DLG2: variants seen among roughly 807,000 people sequenced by gnomAD.
DLG2 encodes discs large MAGUK scaffold protein 2.
A neutral mutation model predicts 132.5 loss-of-function variants in DLG2; 45 were observed. The ratio of observed to expected loss-of-function variants is 0.34; its 90% CI spans 0.27 to 0.44. DLG2 has a LOEUF of 0.44. Among genes scored for constraint, DLG2 ranks in the 20% least tolerant of loss-of-function variants. DLG2 has a pLI of 1.00. For missense variants in DLG2, 1,045 were observed against 1,196.9 expected, an observed-to-expected ratio of 0.87 and a Z score of 1.87; for synonymous variants, 424 against 419.6, an observed-to-expected ratio of 1.01 and a Z score of -0.13.
chr11:83,852,282 G>T (rs1056195807), intron 16 of DLG2, among the ~76,000 whole-genome samples: 3 of 152,156 alleles, frequency 2.0e-5, no homozygotes, highest in Non-Finnish European at 2.9e-5. Flanking sequence ...TGCCTAGAGG[G>T]GCAAAAGGAG....
At chr11:84,925,509 T>C (rs1238775740) in intron 6 of DLG2, among the ~76,000 whole-genome samples, 2 of 152,158 alleles carry the variant, frequency 1.3e-5, no homozygotes, top group Non-Finnish European at 1.5e-5. Context: ...GATAGCCAAC[T>C]TACTATTCTC....
chr11:85,093,191 C>T (rs1359770910), intron 6 of DLG2, among the ~76,000 whole-genome samples: 2 of 152,008 alleles, frequency 1.3e-5, no homozygotes, highest in African/African-American at 2.4e-5. Context: ...AGAAGGTTGC[C>T]GGGCTTGTTG....
rs181008269 is a variant in DLG2, at chr11:84,743,449, C to A, written c.358-208718G>T. ...TATTCTGATTTGGCTATCAACCCAT[C>A]CATCCATTTAGCATTCATTGAGTTC... On this transcript the variant is annotated intron_variant, in intron 6 of 27. Transcript: ENST00000376104. Among the ~76,000 whole-genome samples, 761 of 152,218 alleles carry A rather than the reference C, an allele frequency of 5.0e-3. 5 individuals carry two copies. The highest frequency in any genetic ancestry group is 8.6e-3 in the Non-Finnish European group (582 of 67,996).
chr11:84,836,692 C>T (rs1407195025), intron 6 of DLG2, among the ~76,000 whole-genome samples: 1 of 151,786 alleles, frequency 6.6e-6, no homozygotes, highest in East Asian at 1.9e-4. Context: ...TTATACAGTG[C>T]TGATTGCAAT....
chr11:85,520,891 G>C (rs1248779058), intron 3 of DLG2, among the ~76,000 whole-genome samples: 2 of 151,932 alleles, frequency 1.3e-5, no homozygotes, highest in African/African-American at 4.8e-5. Flanking sequence ...TAAATACCAA[G>C]GCTTCAAACT....
intron 6 of DLG2, among the ~76,000 whole-genome samples, chr11:85,039,864 G>T (rs756412645): frequency 6.6e-6 from 1 of 151,730 alleles, no homozygotes; most frequent in African/African-American, 2.4e-5. Context: ...TTAAATTTTG[G>T]TTGAATGAAT....
chr11:84,013,517 CA>C (rs370300216), intron 11 of DLG2, among the ~76,000 whole-genome samples: 201 of 152,146 alleles, frequency 1.3e-3, no homozygotes, highest in African/African-American at 4.8e-3. Context: ...AGTGATATTT[CA>C]GTTAATAGAA....
chr11:84,872,775 T>C (rs2085678058), intron 6 of DLG2, among the ~76,000 whole-genome samples: 1 of 152,210 alleles, frequency 6.6e-6, no homozygotes, highest in Admixed American at 6.5e-5. Context: ...TTCTATTAGA[T>C]CAGAGATTGT....
chr11:84,775,713 A>G lies in DLG2; in HGVS notation c.358-240982T>C, dbSNP rs1192485272. 2.0e-5 allele frequency among the ~76,000 whole-genome samples: 3 copies of G among 152,274 alleles called. No individual in the cohort carries two copies. In the East Asian group the frequency reaches 5.8e-4, roughly 29 times the overall value. On this transcript the variant is annotated intron_variant, in intron 6 of 27. Transcript: ENST00000376104. Reference sequence around the variant, plus strand: ...TCTCACTTCTAAGTGGGAGTTATACATGGCAACAATAGACACTGGGTACTA... The same window carrying G: ...TCTCACTTCTAAGTGGGAGTTATACGTGGCAACAATAGACACTGGGTACTA...
At chr11:85,361,267 T>C (rs1171619838) in intron 3 of DLG2, among the ~76,000 whole-genome samples, 1 of 152,054 alleles carries the variant, frequency 6.6e-6, no homozygotes, top group Non-Finnish European at 1.5e-5. Flanking sequence ...GCAATTCTCC[T>C]GCCTCAGCCT....
chr11:83,789,973 G>C (rs1339005986), intron 17 of DLG2: 1 of 1,344,410 alleles, frequency 7.4e-7, no homozygotes, highest in African/African-American at 1.5e-5. Flanking sequence ...CAGTCTTTCA[G>C]TAGTGCTTCT....
At chr11:83,576,589 C>T (rs910373377) in intron 19 of DLG2, among the ~76,000 whole-genome samples, 9 of 152,224 alleles carry the variant, frequency 5.9e-5, no homozygotes, top group African/African-American at 2.2e-4. Flanking sequence ...AGAGGCTTCT[C>T]ATCAGAAACA....
At chr11:84,016,726 T>C (rs1405274225) in intron 11 of DLG2, among the ~76,000 whole-genome samples, 1 of 151,990 alleles carries the variant, frequency 6.6e-6, no homozygotes, top group Non-Finnish European at 1.5e-5. Context: ...GATTGCCACA[T>C]CACCTTATAA....
rs1018487689 is a variant in DLG2 at position 83,530,270 on chromosome 11, A to G, written c.2193+2438T>C. On this transcript the variant is annotated intron_variant, in intron 21 of 27. Coordinates refer to ENST00000376104, the MANE Select transcript of DLG2 (RefSeq NM_001142699.3). ...TCACTTCTATGTAGAATGACATCCTATGTTTCAATAAATTTTCATTTCATT... is the reference window on the plus strand; with the variant it reads ...TCACTTCTATGTAGAATGACATCCTGTGTTTCAATAAATTTTCATTTCATT... Among the ~76,000 whole-genome samples the G allele has an allele frequency of 6.6e-5, 10 of 152,068 alleles. 1 individual carries two copies. The highest frequency in any genetic ancestry group is 1.5e-4 in the Non-Finnish European group (10 of 67,948).
At chr11:83,876,652 T>C (rs2154069876) in intron 15 of DLG2, among the ~76,000 whole-genome samples, 1 of 152,106 alleles carries the variant, frequency 6.6e-6, no homozygotes, top group South Asian at 2.1e-4. Flanking sequence ...ACAAAACATA[T>C]AGAATTTAAA....
intron 17 of DLG2, chr11:83,789,862 T>G: frequency 2.0e-6 from 1 of 489,076 alleles, no homozygotes; most frequent in Non-Finnish European, 3.4e-6. Context: ...TACATAAAAG[T>G]GAAATAGTTA....
intron 2 of DLG2, among the ~76,000 whole-genome samples, chr11:85,601,290 G>A (rs563765546): frequency 6.6e-6 from 1 of 151,912 alleles, no homozygotes; most frequent in African/African-American, 2.4e-5. Context: ...TTACAGGCAT[G>A]AGCCACCATG....
chr11:83,566,172 G>A (rs1315613143), intron 19 of DLG2, among the ~76,000 whole-genome samples: 1 of 152,198 alleles, frequency 6.6e-6, no homozygotes, highest in Non-Finnish European at 1.5e-5. Context: ...TATAAAAGTT[G>A]AAGGATAACT....
At chr11:83,932,339 A>T (rs1221159723) in intron 14 of DLG2, among the ~76,000 whole-genome samples, 2 of 151,196 alleles carry the variant, frequency 1.3e-5, no homozygotes, top group African/African-American at 4.9e-5. Flanking sequence ...GGTTCACGCC[A>T]TTCTCCTGCC....
Sources: gnomAD v4.1 joint callset for allele counts (sites outside exome capture counted in the v4.1 genomes callset) on GRCh38, gnomAD v4.1.1 for gene constraint, MANE v1.5 for transcripts, NCBI Gene and HGNC (gene_info 2026-07-23, HGNC 2026-07-21) for gene names.